Variants in ZNF208 observed in about 807,000 individuals in gnomAD.
ZNF208 encodes the protein zinc finger protein 208.
ZNF208 carries 10 observed loss-of-function variants against 12.1 expected under a neutral mutation model. That is an observed-to-expected ratio of 0.83 (90% confidence interval 0.51 to 1.40). The LOEUF (loss-of-function observed/expected upper bound fraction) is 1.40, where lower values mean the gene tolerates loss of function less well. Ranked by LOEUF, ZNF208 falls within the 40% of genes most tolerant of loss-of-function variation. The pLI, the probability that ZNF208 is intolerant of heterozygous loss-of-function variation, is 0.00. For missense variants in ZNF208, 1,652 were observed against 1,485.0 expected, an observed-to-expected ratio of 1.11 and a Z score of -1.85; for synonymous variants, 497 against 488.4, an observed-to-expected ratio of 1.02 and a Z score of -0.23.
At position 21,974,169 on chromosome 19, in the gene ZNF208, C is replaced by G. The variant is rs1292893647; in HGVS notation, c.865G>C (p.Glu289Gln). The G allele has an allele frequency of 6.2e-7, 1 of 1,603,972 alleles. No homozygotes were observed. The highest frequency in any genetic ancestry group is 2.2e-5 in the East Asian group (1 of 44,658). The change falls in exon 4 of 4, where the codon GAA becomes CAA. Residue 289 changes from glutamate (E) to glutamine (Q), a missense_variant. By Grantham distance (29) the Glu-to-Gln change is conservative. Coordinates refer to ENST00000397126, the MANE Select transcript of ZNF208 (RefSeq NM_007153.3). ...HTGEKPNKCE[E>Q]CGKAFSKVST... The stretch of plus-strand genomic sequence containing the variant: ...ACCTTACTAAAGGCTTTGCCACATT[C>G]TTCACATTTGTTGGGTTTCTCTCCA...
At chr19:21,941,453 C>A (rs942362768) in intron 4 of ZNF208, 19 of 398,804 alleles carry the variant, frequency 4.8e-5, no homozygotes, top group African/African-American at 3.9e-4. Context: ...TCACAGTCAC[C>A]ACACAGTGAG....
chr19:22,008,841 A>T (rs1371785657), intron 1 of ZNF208, among the ~76,000 whole-genome samples: 2 of 152,146 alleles, frequency 1.3e-5, no homozygotes, highest in Non-Finnish European at 1.5e-5. Flanking sequence ...GCTACACTCC[A>T]TATCTCATGT....
In ZNF208 at chr19:21,968,300, G is replaced by A. The variant is rs900910605; in HGVS notation, c.*2891C>T. 6 of 152,014 alleles carry A rather than the reference G, an allele frequency of 3.9e-5. No homozygotes were observed. Among genetic ancestry groups the A allele is most frequent in the Non-Finnish European group, 8.8e-5 (6 of 67,990 alleles). 9.4% of individuals were successfully genotyped at this position (152,014 alleles called of 1,614,324 possible). On this transcript the variant is annotated 3_prime_UTR_variant, in exon 4 of 4. Coordinates refer to ENST00000397126, the MANE Select transcript of ZNF208 (RefSeq NM_007153.3). ...TCTTATTTTTATTCTCATGGAGAAT[G>A]CTTCCAGTTTTTGCTCTTTTAGTAT...
chr19:21,968,735 T>A lies in ZNF208; in HGVS notation c.*2456A>T, dbSNP rs1025718491. Reference sequence around the variant, plus strand: ...GTTAGGGTGAAATCCCACCTTGATTTTTTCGAATGCATTCAGTAGGCTTAG... The same window carrying A: ...GTTAGGGTGAAATCCCACCTTGATTATTTCGAATGCATTCAGTAGGCTTAG... On this transcript the variant is annotated 3_prime_UTR_variant, in exon 4 of 4. Coordinates refer to ENST00000397126, the MANE Select transcript of ZNF208 (RefSeq NM_007153.3). 6.7e-6 allele frequency among the ~76,000 whole-genome samples: 1 copy of A among 149,588 alleles called. No individual in the cohort carries two copies. Among genetic ancestry groups the A allele is most frequent in the Non-Finnish European group, 1.5e-5 (1 of 67,690 alleles).
At position 21,973,984 on chromosome 19, in the gene ZNF208, A is replaced by G. The variant is rs879161369; in HGVS notation, c.1050T>C (p.Phe350=). The part of the protein sequence containing the change: ...PYKCKECGKA[F]SKFSILTKHK... ...GTTTAGTAAGGATTGAGAACTTACT[A>G]AAGGCTTTGCCACATTCTTTACATT... The change falls in exon 4 of 4, where the codon TTT becomes TTC. Residue 350 remains phenylalanine (F), a synonymous_variant. Transcript: ENST00000397126. The G allele has an allele frequency of 6.2e-7, 1 of 1,611,292 alleles. No homozygotes were observed.
intron 3 of ZNF208, among the ~76,000 whole-genome samples, 195 bp from the exon 4 acceptor site, chr19:21,975,002 CAT>C (rs1970402845): frequency 6.6e-6 from 1 of 151,996 alleles, no homozygotes; most frequent in Non-Finnish European, 1.5e-5. Context: ...ATAATTTATA[CAT>C]GAGTTAAGTG....
chr19:21,964,029 GAT>G (rs1970120825), downstream of ZNF208, among the ~76,000 whole-genome samples: 1 of 151,952 alleles, frequency 6.6e-6, no homozygotes, highest in Non-Finnish European at 1.5e-5. Flanking sequence ...TGAGTTCATA[GAT>G]ATGTTACTAA....
intron 1 of ZNF208, among the ~76,000 whole-genome samples, chr19:21,989,333 C>T (rs531836800): frequency 5.4e-5 from 8 of 147,550 alleles, no homozygotes; most frequent in South Asian, 2.2e-4. Context: ...CAAGAACATG[C>T]GGTGTTTGGT....
chr19:21,991,711 G>C (rs1970739145), intron 1 of ZNF208: 1 of 137,850 alleles, frequency 7.3e-6, no homozygotes, highest in Non-Finnish European at 1.5e-5. Flanking sequence ...TTGCACTCCA[G>C]CTTGGGCAAC....
intron 4 of ZNF208, among the ~76,000 whole-genome samples, chr19:21,942,425 A>G (rs1029806209): frequency 2.0e-5 from 3 of 152,146 alleles, no homozygotes; most frequent in Non-Finnish European, 2.9e-5. Context: ...AGTGTATTCA[A>G]AGTTTTCTAG....
chr19:21,974,679 T>C lies in ZNF208; in HGVS notation c.355A>G (p.Asn119Asp). 1 of 1,613,694 alleles carries C rather than the reference T, an allele frequency of 6.2e-7. No homozygotes were observed. Among genetic ancestry groups the C allele is most frequent in the Non-Finnish European group, 8.5e-7 (1 of 1,179,756 alleles). Reference protein sequence around the residue: ...ENLHLKIGYTNVDECKVHKEG... With the variant: ...ENLHLKIGYTDVDECKVHKEG... ...TTGTGCACCTTACACTCATCCACAT[T>C]GGTATAACCAATTTTTAAGTGTAAA... Residue 119 changes from asparagine (N) to aspartate (D), a missense_variant, in exon 4 of 4, where the codon AAT (asparagine) becomes GAT (aspartate). This residue lies in a region of ZNF208 where 410 missense variants were observed against 378.2 expected (regional missense o/e 1.08). Coordinates refer to ENST00000397126, the MANE Select transcript of ZNF208 (RefSeq NM_007153.3).
At chr19:21,953,547 G>A (rs1177025529) in intron 4 of ZNF208, among the ~76,000 whole-genome samples, 3 of 152,250 alleles carry the variant, frequency 2.0e-5, no homozygotes, top group East Asian at 1.9e-4. Context: ...AGAATTTCAT[G>A]TCCAGCCAAA....
intron 4 of ZNF208, among the ~76,000 whole-genome samples, chr19:21,942,797 C>A (rs1969762356): frequency 6.6e-6 from 1 of 152,046 alleles, no homozygotes; most frequent in South Asian, 2.1e-4. Context: ...TACAGGTACA[C>A]ACCACCACAG....
downstream of ZNF208, among the ~76,000 whole-genome samples, chr19:21,965,213 T>C (rs1476606044): frequency 3.3e-5 from 5 of 152,042 alleles, no homozygotes; most frequent in African/African-American, 1.2e-4. Flanking sequence ...TCAGAAACTA[T>C]AAATTTTTAG....
intron 3 of ZNF208, among the ~76,000 whole-genome samples, chr19:21,977,280 GC>G (rs1347883331): frequency 6.6e-6 from 1 of 152,208 alleles, no homozygotes; most frequent in Non-Finnish European, 1.5e-5. Flanking sequence ...AATAGAGGAG[GC>G]TGCCAAGATG....
intron 1 of ZNF208, among the ~76,000 whole-genome samples, chr19:22,004,034 T>G: frequency 6.6e-6 from 1 of 151,820 alleles, no homozygotes; most frequent in East Asian, 1.9e-4. Context: ...AAAAATTAGC[T>G]AAGCATGGTG....
At chr19:21,947,443 C>T (rs1969832064) in intron 4 of ZNF208, among the ~76,000 whole-genome samples, 2 of 152,096 alleles carry the variant, frequency 1.3e-5, no homozygotes, top group African/African-American at 2.4e-5. Flanking sequence ...GAGTTTTTAC[C>T]TAGGATTTCT....
intron 4 of ZNF208, among the ~76,000 whole-genome samples, chr19:21,957,307 CA>C (rs1462150279): frequency 5.9e-5 from 9 of 152,180 alleles, no homozygotes. Context: ...CAAAGTGCTG[CA>C]ATTACAGGCT....
At chr19:21,975,270 T>C (rs1970408536) in intron 3 of ZNF208, among the ~76,000 whole-genome samples, 1 of 152,190 alleles carries the variant, frequency 6.6e-6, no homozygotes, top group Non-Finnish European at 1.5e-5. Flanking sequence ...TCCCATGACA[T>C]AAAATGCTGA....
Sources: allele counts gnomAD v4.1 joint callset (sites outside exome capture counted in the v4.1 genomes callset), GRCh38; gene constraint gnomAD v4.1.1; regional missense constraint gnomAD v4.1.1; transcripts MANE v1.5; gene names NCBI Gene and HGNC (gene_info 2026-07-23, HGNC 2026-07-21).